Variants in RSRP1 observed in about 807,000 individuals in gnomAD.
RSRP1 encodes the protein arginine/serine-rich protein 1.
RSRP1 carries 37 observed loss-of-function variants against 33.0 expected under a neutral mutation model. The ratio of observed to expected loss-of-function variants is 1.12; its 90% CI spans 0.86 to 1.48. The LOEUF is 1.48. Ranked by LOEUF, RSRP1 falls within the 40% of genes most tolerant of loss-of-function variation. The pLI is 0.00. For synonymous variants in RSRP1, 167 were observed against 158.7 expected (o/e 1.05, Z -0.40); for missense variants, 402 against 385.3 (o/e 1.04, Z -0.36).
intron 4 of RSRP1, 61 bp from the exon 5 acceptor site, chr1:25,242,766 A>G: frequency 8.5e-7 from 1 of 1,170,204 alleles, no homozygotes; most frequent in Non-Finnish European, 1.2e-6. Flanking sequence ...TTTCACAAAA[A>G]AAAGTACATT....
chr1:25,305,054 C>T lies in RSRP1; in HGVS notation c.-67+32924G>A, dbSNP rs1335921966. Among the ~76,000 whole-genome samples the T allele has an allele frequency of 4.5e-5, 6 of 132,636 alleles. 1 individual carries two copies. Among genetic ancestry groups the T allele is most frequent in the South Asian group, 2.3e-4 (1 of 4,364 alleles). The allele number at this position is 132,636 out of a possible 152,430, so 87.0% of individuals were successfully genotyped here. On this transcript the variant is annotated intron_variant, in intron 1 of 1. Coordinates refer to the RSRP1 transcript ENST00000561867. ...TATAGTTTAGTGAGCGAAATGGATA[C>T]ACACAATACAGTGTGAGAACAGCAA...
chr1:25,245,428 A>G, intron 2 of RSRP1, 127 bp from the exon 3 acceptor site: 1 of 1,297,524 alleles, frequency 7.7e-7, no homozygotes, highest in African/African-American at 1.5e-5. Context: ...TTGTTTTATA[A>G]TAGGTAAACT....
Position 25,271,673 on chromosome 1 carries a change from G to A in RSRP1, c.-66-24644C>T, listed in dbSNP as rs537508342. Among the ~76,000 whole-genome samples the A allele has an allele frequency of 3.8e-5, 5 of 132,670 alleles. No individual in the cohort carries two copies. The South Asian group carries it at 1.2e-3, about 31-fold the overall frequency. 87.0% of individuals were successfully genotyped at this position (132,670 alleles called of 152,430 possible). Reference sequence around the variant, plus strand: ...ACAGGGGAAGTTGGCTGCAGGGTTAGAACTAAGTCCCAAGCCCCCTAAAGC... The same window carrying A: ...ACAGGGGAAGTTGGCTGCAGGGTTAAAACTAAGTCCCAAGCCCCCTAAAGC... On this transcript the variant is annotated intron_variant, in intron 1 of 1. Coordinates refer to the RSRP1 transcript ENST00000561867.
At chr1:25,308,967 A>C (rs1643994963) in intron 1 of RSRP1, among the ~76,000 whole-genome samples, 1 of 131,666 alleles carries the variant, frequency 7.6e-6, no homozygotes, top group African/African-American at 2.6e-5. Context: ...TTAGCAACAG[A>C]ACATAGCCCC....
intron 2 of RSRP1, 119 bp from the exon 3 acceptor site, chr1:25,245,420 G>T: frequency 7.5e-7 from 1 of 1,326,950 alleles, no homozygotes; most frequent in Non-Finnish European, 1.0e-6. Flanking sequence ...TAAGTCACTT[G>T]TTTTATAATA....
chr1:25,278,422 T>C (rs582650), intron 1 of RSRP1, among the ~76,000 whole-genome samples: 6 of 131,598 alleles, frequency 4.6e-5, no homozygotes, highest in South Asian at 2.4e-4. Context: ...CTTAAAATAG[T>C]AACCTTTTAA....
rs189770361 is a variant in RSRP1 at position 25,302,884 on chromosome 1, C to T, written c.-67+35094G>A. ...CTAGGCCAGGTGCAGTGGCTCACAC[C>T]TGTAATCCCAATATTTTGGGAGGCT... On this transcript the variant is annotated intron_variant, in intron 1 of 1. Transcript: ENST00000561867. 1.2e-3 allele frequency among the ~76,000 whole-genome samples: 159 copies of T among 131,070 alleles called. 26 individuals are homozygous for T. The highest frequency in any genetic ancestry group is 4.0e-3 in the African/African-American group (151 of 38,024). 86.0% of individuals were successfully genotyped at this position (131,070 alleles called of 152,430 possible).
intron 1 of RSRP1, chr1:25,290,599 T>A (rs1316433811): frequency 7.7e-7 from 1 of 1,302,070 alleles, no homozygotes. Context: ...GTGAGAGGCA[T>A]CCTTCCTTCT....
intron 1 of RSRP1, among the ~76,000 whole-genome samples, chr1:25,318,609 C>A (rs1644537178): frequency 1.5e-5 from 2 of 131,570 alleles, no homozygotes; most frequent in Admixed American, 7.4e-5. Flanking sequence ...AGAAAATATA[C>A]ATTCCATCCA....
At chr1:25,278,916 A>G (rs1641241458) in intron 1 of RSRP1, among the ~76,000 whole-genome samples, 1 of 128,936 alleles carries the variant, frequency 7.8e-6, no homozygotes. Flanking sequence ...CTGAGGCTGC[A>G]GTGGTCTTTC....
chr1:25,320,005 T>A (rs1433719935), intron 1 of RSRP1, among the ~76,000 whole-genome samples: 1 of 131,436 alleles, frequency 7.6e-6, no homozygotes, highest in African/African-American at 2.6e-5. Context: ...TTCAAGTGAT[T>A]CTCCTGCCTC....
In RSRP1 at chr1:25,276,931, G is replaced by A. The variant is rs1641054684; in HGVS notation, c.-66-29902C>T. ...AATACAAAAAAATTAGCCGGGTGTG[G>A]TGGCGGGTGCCTGTAGTCCCAGCTA... On this transcript the variant is annotated intron_variant, in intron 1 of 1. Coordinates refer to the RSRP1 transcript ENST00000561867. Among the ~76,000 whole-genome samples the A allele has an allele frequency of 2.3e-5, 3 of 131,074 alleles. 1 individual carries two copies. The South Asian group carries it at 7.0e-4, about 31-fold the overall frequency. The allele number at this position is 131,074 out of a possible 152,430, so 86.0% of individuals were successfully genotyped here.
At chr1:25,247,546 T>A (rs1371086752), upstream of RSRP1, 4 of 152,278 alleles carry the variant, frequency 2.6e-5, no homozygotes, top group African/African-American at 9.6e-5. Flanking sequence ...GGCTCTTCTC[T>A]TGCCCAACCA....
intron 1 of RSRP1, among the ~76,000 whole-genome samples, chr1:25,289,571 C>G (rs1251066243): frequency 7.8e-6 from 1 of 128,612 alleles, no homozygotes; most frequent in Non-Finnish European, 1.8e-5. Flanking sequence ...AAATCATTAT[C>G]ATCACTGTTG....
intron 1 of RSRP1, among the ~76,000 whole-genome samples, chr1:25,252,550 T>G (rs1299026875): frequency 6.7e-6 from 1 of 149,912 alleles, no homozygotes; most frequent in Admixed American, 6.6e-5. Context: ...TTTTTTTTTT[T>G]GAGACGGAGT....
chr1:25,302,294 GACAAA>G (rs1352770579), intron 1 of RSRP1, among the ~76,000 whole-genome samples: 1 of 129,456 alleles, frequency 7.7e-6, no homozygotes, highest in Admixed American at 7.5e-5. Context: ...TGAGAGGGGA[GACAAA>G]ACAAGTTCTC....
chr1:25,331,331 A>C lies in RSRP1; in HGVS notation c.-67+6647T>G, dbSNP rs193051393. Among the ~76,000 whole-genome samples the C allele has an allele frequency of 7.8e-4, 102 of 130,840 alleles. 12 individuals are homozygous for C. The East Asian group carries it at 0.011, about 15-fold the overall frequency. The allele number at this position is 130,840 out of a possible 152,430, so 85.8% of individuals were successfully genotyped here. A position where few individuals can be genotyped will look rare whatever the true frequency, so the allele number is the denominator to read the frequency against. On this transcript the variant is annotated intron_variant, in intron 1 of 1. Transcript: ENST00000561867. ...GGCTCCACCCTCATAACCTCATTTG[A>C]CCTTAACTATTATTTCTTTAAAGCA...
Position 25,288,492 on chromosome 1 carries a change from TA to T in RSRP1, c.-66-41464del, listed in dbSNP as rs1396858839. Among the ~76,000 whole-genome samples the T allele has an allele frequency of 3.1e-5, 4 of 127,626 alleles. 1 individual carries two copies. Among genetic ancestry groups the T allele is most frequent in the African/African-American group, 1.1e-4 (4 of 37,508 alleles). 83.7% of individuals were successfully genotyped at this position (127,626 alleles called of 152,430 possible). A position where few individuals can be genotyped will look rare whatever the true frequency, so the allele number is the denominator to read the frequency against. On this transcript the variant is annotated intron_variant, in intron 1 of 1. Coordinates refer to the RSRP1 transcript ENST00000561867. ...ACCATTCCTGGCCTTAAAAGTGTGA[TA>T]TTTTTAATGTATTTTGAAATCTGCA...
chr1:25,307,049 G>A (rs1455908399), intron 1 of RSRP1: 3 of 339,294 alleles, frequency 8.8e-6, no homozygotes, highest in Admixed American at 7.6e-5. Context: ...AGGTCGTGAT[G>A]CAGAGCTTTG....
Sources: gnomAD v4.1 joint callset for allele counts (sites outside exome capture counted in the v4.1 genomes callset) on GRCh38, gnomAD v4.1.1 for gene constraint, MANE v1.5 for transcripts, NCBI Gene and HGNC (gene_info 2026-07-23, HGNC 2026-07-21) for gene names.